LAMA2: variants seen among roughly 807,000 people sequenced by gnomAD.
LAMA2 encodes the protein laminin subunit alpha-2.
LAMA2 carries 269 observed loss-of-function variants against 364.8 expected under a neutral mutation model. That is an observed-to-expected ratio of 0.74 (90% CI 0.67 to 0.82). The LOEUF is 0.82. LAMA2 is among the 40% of genes least tolerant of loss of function. The pLI is 0.00. For missense variants in LAMA2, 3,807 were observed against 3,873.2 expected, an observed-to-expected ratio of 0.98 and a Z score of 0.45; for synonymous variants, 1,379 against 1,370.6, an observed-to-expected ratio of 1.01 and a Z score of -0.14.
At chr6:129,452,607 AT>A (rs1782734815) in intron 45 of LAMA2, among the ~76,000 whole-genome samples, 2 of 152,178 alleles carry the variant, frequency 1.3e-5, no homozygotes, top group Admixed American at 6.5e-5. Context: ...TGAAATTTCA[AT>A]TGTAAAATTT....
chr6:129,116,392 G>T (rs547132891), intron 4 of LAMA2, among the ~76,000 whole-genome samples: 6 of 152,068 alleles, frequency 3.9e-5, no homozygotes, highest in African/African-American at 1.4e-4. Flanking sequence ...CAGTGATTTT[G>T]TTTGTCTCCT....
intron 28 of LAMA2, among the ~76,000 whole-genome samples, chr6:129,323,106 C>T (rs929936339): frequency 6.6e-5 from 10 of 152,150 alleles, no homozygotes; most frequent in East Asian, 3.9e-4. Flanking sequence ...GAAGTGTTTT[C>T]CACAACCCAT....
intron 1 of LAMA2, among the ~76,000 whole-genome samples, chr6:128,975,035 G>T (rs1782437697): frequency 6.6e-6 from 1 of 151,974 alleles, no homozygotes; most frequent in Non-Finnish European, 1.5e-5. Flanking sequence ...TGTATTTTTA[G>T]TAGAGACGAG....
chr6:129,055,166 A>ATTATTATTATTTATTATTAT (rs35284161), intron 2 of LAMA2, among the ~76,000 whole-genome samples: 3 of 123,308 alleles, frequency 2.4e-5, no homozygotes, highest in Non-Finnish European at 4.9e-5. Flanking sequence ...TTTACTTTAC[A>ATTATTATTATTTATTATTAT]TTATTATTAT....
chr6:129,342,756 A>G (rs1341220392), intron 30 of LAMA2, among the ~76,000 whole-genome samples: 2 of 152,142 alleles, frequency 1.3e-5, no homozygotes, highest in East Asian at 3.9e-4. Flanking sequence ...ACAAATATGC[A>G]TGGTTTCATA....
chr6:129,386,924 A>G (rs1779048704), intron 35 of LAMA2, among the ~76,000 whole-genome samples: 1 of 152,198 alleles, frequency 6.6e-6, no homozygotes, highest in Non-Finnish European at 1.5e-5. Flanking sequence ...TGGCCATGGA[A>G]TAGCAGTTTA....
intron 1 of LAMA2, among the ~76,000 whole-genome samples, chr6:128,913,331 G>T (rs10499144): frequency 0.04 from 6,117 of 152,144 alleles, 550 homozygotes; most frequent in East Asian, 0.34. Flanking sequence ...CCCCATCATT[G>T]ATATAACCAA....
In LAMA2 at chr6:129,192,948, A is replaced by G. The variant is rs754436926; in HGVS notation, c.1782+95A>G. The G allele has an allele frequency of 2.4e-6, 3 of 1,240,046 alleles. No homozygotes were observed. The African/African-American group carries it at 4.5e-5, about 18-fold the overall frequency. 76.8% of individuals were successfully genotyped at this position (1,240,046 alleles called of 1,614,324 possible). ...ATTCTTTTAAAGAAAGACAAAATCAAATACACACTGAATTGGATTGCCAGA... is the reference window on the plus strand; with the variant it reads ...ATTCTTTTAAAGAAAGACAAAATCAGATACACACTGAATTGGATTGCCAGA... On this transcript the variant is annotated intron_variant, in intron 12 of 64. Coordinates refer to ENST00000421865, the MANE Select transcript of LAMA2 (RefSeq NM_000426.4).
chr6:129,101,120 A>T (rs1775494849), intron 4 of LAMA2, among the ~76,000 whole-genome samples: 1 of 152,248 alleles, frequency 6.6e-6, no homozygotes, highest in Non-Finnish European at 1.5e-5. Flanking sequence ...AAGAGAAACA[A>T]ACATATAAAC....
chr6:129,028,706 C>A (rs762093590), intron 1 of LAMA2, among the ~76,000 whole-genome samples: 1 of 151,696 alleles, frequency 6.6e-6, no homozygotes, highest in Non-Finnish European at 1.5e-5. Flanking sequence ...AATAAGTTGA[C>A]CTTCTTGAGG....
chr6:129,253,217 TA>T (rs1308026110), intron 14 of LAMA2, among the ~76,000 whole-genome samples: 2 of 152,200 alleles, frequency 1.3e-5, no homozygotes, highest in Admixed American at 1.3e-4. Flanking sequence ...ACTCTAATAA[TA>T]AATAACACAA....
At chr6:129,359,987 A>T (rs909581291) in intron 32 of LAMA2, among the ~76,000 whole-genome samples, 11 of 152,158 alleles carry the variant, frequency 7.2e-5, no homozygotes, top group African/African-American at 2.4e-4. Flanking sequence ...GTGTTTGTTA[A>T]TATTAGACAC....
At chr6:129,383,887 A>G (rs898530577) in intron 35 of LAMA2, among the ~76,000 whole-genome samples, 2 of 152,224 alleles carry the variant, frequency 1.3e-5, no homozygotes, top group Non-Finnish European at 2.9e-5. Context: ...AAAATATAAT[A>G]AACGTGCATG....
intron 5 of LAMA2, among the ~76,000 whole-genome samples, chr6:129,144,548 T>C (rs994136075): frequency 6.6e-6 from 1 of 151,958 alleles, no homozygotes; most frequent in African/African-American, 2.4e-5. Flanking sequence ...TAAACCTTAA[T>C]GTGTATGGGA....
chr6:129,438,151 T>G (rs1225855619), intron 41 of LAMA2, among the ~76,000 whole-genome samples: 2 of 151,758 alleles, frequency 1.3e-5, no homozygotes, highest in African/African-American at 4.8e-5. Flanking sequence ...GTTTTTCCAT[T>G]TCTTTAATGT....
chr6:129,293,017 T>C (rs1463744203), intron 20 of LAMA2: 5 of 985,792 alleles, frequency 5.1e-6, no homozygotes, highest in African/African-American at 1.7e-5. Context: ...AGGTGGGCTA[T>C]CGGCAGCTCC....
intron 22 of LAMA2, among the ~76,000 whole-genome samples, chr6:129,302,261 A>G (rs1450077570): frequency 6.6e-6 from 1 of 152,086 alleles, no homozygotes; most frequent in Non-Finnish European, 1.5e-5. Flanking sequence ...CATTTATTTA[A>G]TGCCCAGTAA....
At chr6:128,940,508 G>A (rs1376750655) in intron 1 of LAMA2, among the ~76,000 whole-genome samples, 1 of 152,146 alleles carries the variant, frequency 6.6e-6, no homozygotes, top group African/African-American at 2.4e-5. Flanking sequence ...TTGTCGGAAG[G>A]AATAAATATT....
intron 9 of LAMA2, among the ~76,000 whole-genome samples, chr6:129,167,295 A>G (rs999149930): frequency 3.4e-5 from 5 of 145,554 alleles, no homozygotes; most frequent in Admixed American, 1.4e-4. Context: ...ATATCTCCCA[A>G]TGCTATCCCT....
Sources: gnomAD v4.1 joint callset for allele counts (sites outside exome capture counted in the v4.1 genomes callset) on GRCh38, gnomAD v4.1.1 for gene constraint, MANE v1.5 for transcripts, NCBI Gene and HGNC (gene_info 2026-07-23, HGNC 2026-07-21) for gene names.